Variants in WEE2 observed in about 807,000 individuals in gnomAD.
WEE2 encodes wee1-like protein kinase 2.
A neutral mutation model predicts 60.1 loss-of-function variants in WEE2; 50 were observed. The ratio of observed to expected loss-of-function variants is 0.83; its 90% confidence interval spans 0.66 to 1.05. WEE2 has a LOEUF of 1.05. Ranked by LOEUF, WEE2 falls within the 50% of genes least tolerant of loss-of-function variation. The probability of loss-of-function intolerance (pLI) is 0.00; values close to 1 mark genes in which losing one functional copy is unlikely to be tolerated. For synonymous variants in WEE2, 240 were observed against 241.0 expected, an observed-to-expected ratio of 1.00 and a Z score of 0.04; for missense variants, 631 against 684.3, an observed-to-expected ratio of 0.92 and a Z score of 0.87.
chr7:141,719,054 T>C lies in WEE2; in HGVS notation c.586-18T>C, dbSNP rs926782601. 3 of 1,608,766 alleles carry C rather than the reference T, an allele frequency of 1.9e-6. No homozygotes were observed. Among genetic ancestry groups the C allele is most frequent in the African/African-American group, 1.3e-5 (1 of 74,520 alleles). On this transcript the variant is annotated intron_variant, in intron 3 of 11. Transcript: ENST00000397541. Reference sequence around the variant, plus strand: ...ATGGTAGAATTACTCTAATTTCCTTTTTATTAAAATACTTTAGAGATGTGT... The same window carrying C: ...ATGGTAGAATTACTCTAATTTCCTTCTTATTAAAATACTTTAGAGATGTGT...
At chr7:141,716,292 G>A (rs140561551) in intron 3 of WEE2, 25 bp downstream of exon 3, 147 of 1,610,046 alleles carry the variant, frequency 9.1e-5, no homozygotes, top group African/African-American at 1.2e-4. Flanking sequence ...TTGTCCCAGC[G>A]GCCACAATAT....
intron 3 of WEE2, among the ~76,000 whole-genome samples, chr7:141,718,838 A>T (rs1015163871): frequency 6.6e-6 from 1 of 152,204 alleles, no homozygotes; most frequent in African/African-American, 2.4e-5. Context: ...ATTGAAAAAT[A>T]AGTGAGAATT....
intron 1 of WEE2, among the ~76,000 whole-genome samples, chr7:141,712,901 CTG>C (rs1327347380): frequency 6.6e-6 from 1 of 152,158 alleles, no homozygotes; most frequent in Non-Finnish European, 1.5e-5. Flanking sequence ...ACATTGATAA[CTG>C]AGAAATATCA....
chr7:141,714,099 C>A (rs576565853), intron 1 of WEE2, 110 bp from the exon 2 acceptor site: 13 of 902,608 alleles, frequency 1.4e-5, no homozygotes, highest in Non-Finnish European at 2.2e-5. Context: ...CAGATAATTT[C>A]TAAGGCCCCT....
rs749469060 is a variant in WEE2, at chr7:141,723,133, G to A, written c.881-1G>A. On this transcript the variant is annotated splice_acceptor_variant, in intron 5 of 11. Transcript: ENST00000397541. LOFTEE classifies it high-confidence loss of function. The stretch of plus-strand genomic sequence containing the variant: ...GGCTGTTCTCTGTTGTTCTTTCCCA[G>A]GTGGGAGTTTGCAAGCTGCTATATC... The A allele has an allele frequency of 1.9e-6, 3 of 1,614,060 alleles. No individual in the cohort carries two copies. The highest frequency in any genetic ancestry group is 2.5e-6 in the Non-Finnish European group (3 of 1,179,984).
rs1798983108 is a variant in WEE2 at position 141,724,892 on chromosome 7, GC to G, written c.1222-133del. 4.0e-6 allele frequency: 4 copies of G among 996,552 alleles called. No homozygotes were observed. The Admixed American group carries it at 1.1e-4, about 26-fold the overall frequency. The allele number at this position is 996,552 out of a possible 1,614,324, so 61.7% of individuals were successfully genotyped here. A position where few individuals can be genotyped will look rare whatever the true frequency, so the allele number is the denominator to read the frequency against. ...TCTTCTCTAGAAATCACTAACTACA[GC>G]GAATGTATCTTTGACCGTCGTGTCT... On this transcript the variant is annotated intron_variant, in intron 8 of 11. Coordinates refer to ENST00000397541, the MANE Select transcript of WEE2 (RefSeq NM_001105558.1).
At position 141,730,257 on chromosome 7, in the gene WEE2, T is replaced by C. The variant is rs570931848; in HGVS notation, c.1679-38T>C. On this transcript the variant is annotated intron_variant, in intron 11 of 11. Transcript: ENST00000397541. The stretch of plus-strand genomic sequence containing the variant: ...ATTGTTATATTCCTAATGCCACTGA[T>C]CAATAACTTATTTACTTCTCACACT... The C allele has an allele frequency of 2.5e-6, 4 of 1,606,938 alleles. No homozygotes were observed. In the African/African-American group the frequency reaches 5.3e-5, roughly 21 times the overall value.
intron 10 of WEE2, 74 bp from the exon 11 acceptor site, chr7:141,729,457 A>G: frequency 6.3e-7 from 1 of 1,577,448 alleles, no homozygotes; most frequent in Non-Finnish European, 8.7e-7. Context: ...AAAAACATTT[A>G]TATATTAGTT....
intron 10 of WEE2, 139 bp downstream of exon 10, chr7:141,727,585 A>G (rs1799041714): frequency 6.2e-6 from 7 of 1,122,520 alleles, no homozygotes; most frequent in Non-Finnish European, 8.6e-6. Flanking sequence ...GCCCACAAGG[A>G]AACTGGCAGC....
chr7:141,710,582 T>A (rs999676134), intron 1 of WEE2, among the ~76,000 whole-genome samples: 1 of 152,182 alleles, frequency 6.6e-6, no homozygotes, highest in East Asian at 1.9e-4. Context: ...TTGAGCATGA[T>A]GAGAAGGAAT....
rs1798987402 is a variant in WEE2, at chr7:141,725,067, AT to A, written c.1265del (p.Leu422Ter). On this transcript the variant is annotated frameshift_variant, in exon 9 of 12. Coordinates refer to ENST00000397541, the MANE Select transcript of WEE2 (RefSeq NM_001105558.1). LOFTEE classifies it high-confidence loss of function. ...LPKADIFALG[L>X]TIAVAAGAES... ...CCAAAGCAGACATATTTGCCTTGGG[AT>A]TAACAATTGCAGTGGCTGCAGGAGC... 1.2e-6 allele frequency: 2 copies of A among 1,614,008 alleles called. No homozygotes were observed. Among genetic ancestry groups the A allele is most frequent in the Non-Finnish European group, 1.7e-6 (2 of 1,180,020 alleles).
At chr7:141,729,430 A>T in intron 10 of WEE2, 101 bp from the exon 11 acceptor site, 1 of 1,523,334 alleles carries the variant, frequency 6.6e-7, no homozygotes, top group Admixed American at 1.7e-5. Flanking sequence ...CGTTTCTGTA[A>T]ATACTGAAAC....
chr7:141,729,832 C>T (rs943751068), intron 11 of WEE2, among the ~76,000 whole-genome samples, 159 bp downstream of exon 11: 2 of 151,830 alleles, frequency 1.3e-5, no homozygotes, highest in African/African-American at 4.8e-5. Flanking sequence ...ACTAAAAATA[C>T]AAAAAATTAG....
chr7:141,718,000 A>G (rs1024212183), intron 3 of WEE2, among the ~76,000 whole-genome samples: 1 of 152,194 alleles, frequency 6.6e-6, no homozygotes, highest in African/African-American at 2.4e-5. Context: ...TCATTTTGCA[A>G]AAATAATTCT....
chr7:141,727,335 C>T lies in WEE2; in HGVS notation c.1424C>T (p.Pro475Leu). 6.2e-7 allele frequency: 1 copy of T among 1,614,130 alleles called. No homozygotes were observed. The highest frequency in any genetic ancestry group is 8.5e-7 in the Non-Finnish European group (1 of 1,180,000). ...ATCCAACCTGATGCCGAACAGAGAC[C>T]TTCTGCAGCAGCTCTGGCCAGAAAT... ...NMIQPDAEQR[P>L]SAAALARNTV... The change falls in exon 10 of 12, where the codon CCT becomes CTT. Residue 475 changes from proline (P) to leucine (L), a missense_variant. Pro to Leu is a moderately conservative substitution (Grantham distance 98). Transcript: ENST00000397541.
intron 10 of WEE2, chr7:141,728,004 A>G (rs1283178402): frequency 6.6e-6 from 1 of 152,512 alleles, no homozygotes; most frequent in Non-Finnish European, 1.5e-5. Flanking sequence ...GGCAGGGAAG[A>G]TACCATGATC....
Position 141,709,009 on chromosome 7 carries a change from C to T in WEE2, c.251C>T (p.Pro84Leu), listed in dbSNP as rs1798668196. 1.9e-6 allele frequency: 3 copies of T among 1,613,978 alleles called. No individual in the cohort carries two copies. Among genetic ancestry groups the T allele is most frequent in the Non-Finnish European group, 2.5e-6 (3 of 1,180,018 alleles). ...AGTCCAGATCAGATTTTGAGGACTC[C>T]AGTGTCACACCCTCTCAAATGTCCT... is the stretch of plus-strand genomic sequence containing the variant. ...KESPDQILRT[P>L]VSHPLKCPET... The change falls in exon 1 of 12, where the codon CCA becomes CTA. Residue 84 changes from proline (P) to leucine (L), a missense_variant. Pro to Leu is a moderately conservative substitution (Grantham distance 98). Coordinates refer to ENST00000397541, the MANE Select transcript of WEE2 (RefSeq NM_001105558.1).
chr7:141,723,634 T>C (rs1798959883), intron 6 of WEE2, among the ~76,000 whole-genome samples: 1 of 152,206 alleles, frequency 6.6e-6, no homozygotes, highest in South Asian at 2.1e-4. Context: ...TGAGTAACTG[T>C]CACTCATTAA....
At chr7:141,726,319 T>C (rs1799016657) in intron 9 of WEE2, among the ~76,000 whole-genome samples, 1 of 152,156 alleles carries the variant, frequency 6.6e-6, no homozygotes, top group African/African-American at 2.4e-5. Flanking sequence ...CTCATTCTGT[T>C]GCCTAGACTG....
Sources: allele counts gnomAD v4.1 joint callset (sites outside exome capture counted in the v4.1 genomes callset), GRCh38; gene constraint gnomAD v4.1.1; transcripts MANE v1.5; gene names NCBI Gene and HGNC (gene_info 2026-07-23, HGNC 2026-07-21).